Variants in ACTL8 observed in about 807,000 individuals in gnomAD.
ACTL8 encodes actin-like protein 8.
Under a neutral mutation model 9.3 loss-of-function variants are expected in ACTL8, and 3 were observed. The ratio of observed to expected loss-of-function variants is 0.32; its 90% CI spans 0.15 to 0.83. The LOEUF is 0.83. Ranked by LOEUF, ACTL8 falls within the 40% of genes least tolerant of loss-of-function variation. The pLI is 0.57. For missense variants in ACTL8, 381 were observed against 492.2 expected, an observed-to-expected ratio of 0.77 and a Z score of 2.14; for synonymous variants, 224 against 205.9, an observed-to-expected ratio of 1.09 and a Z score of -0.75.
chr1:17,769,208 T>A (rs115527747), intron 1 of ACTL8, among the ~76,000 whole-genome samples: 2,770 of 152,232 alleles, frequency 0.018, 44 homozygotes, highest in African/African-American at 0.024. Flanking sequence ...CCTTGATTCT[T>A]TTCCTTCAGC....
chr1:17,762,266 C>T (rs532612579), intron 1 of ACTL8, among the ~76,000 whole-genome samples: 5 of 152,032 alleles, frequency 3.3e-5, no homozygotes, highest in South Asian at 4.2e-4. Flanking sequence ...ACTCTGAGGT[C>T]GTGCAGCAAA....
chr1:17,798,428 A>G (rs981242984), intron 1 of ACTL8, among the ~76,000 whole-genome samples: 1 of 152,166 alleles, frequency 6.6e-6, no homozygotes, highest in Non-Finnish European at 1.5e-5. Context: ...AGGTGATGGC[A>G]GAGGTGCTGG....
At position 17,823,415 on chromosome 1, in the gene ACTL8, TG is replaced by T; in HGVS notation, c.348+61del. 6.8e-7 allele frequency: 1 copy of T among 1,465,266 alleles called. No individual in the cohort carries two copies. Among genetic ancestry groups the T allele is most frequent in the Non-Finnish European group, 9.2e-7 (1 of 1,084,268 alleles). The allele number at this position is 1,465,266 out of a possible 1,614,324, so 90.8% of individuals were successfully genotyped here. On this transcript the variant is annotated intron_variant, in intron 2 of 2. Transcript: ENST00000375406. The surrounding 1 kb of genome is among the most constrained non-coding windows in gnomAD (Gnocchi z 5.3). ...GCGGGAAACAGACTGACACTATGTC[TG>T]GACTGATTGGGCACCAGGAATTCTG...
intron 1 of ACTL8, among the ~76,000 whole-genome samples, chr1:17,775,015 G>T (rs1258357266): frequency 1.3e-5 from 2 of 152,294 alleles, no homozygotes; most frequent in Non-Finnish European, 1.5e-5. Context: ...AGGCCTGGAG[G>T]TTCCTGGGAG....
intron 1 of ACTL8, among the ~76,000 whole-genome samples, chr1:17,807,558 G>A (rs1015937404): frequency 4.6e-5 from 7 of 152,040 alleles, no homozygotes; most frequent in African/African-American, 1.2e-4. Flanking sequence ...TGTTTATTGC[G>A]GTACTATTCA....
intron 1 of ACTL8, among the ~76,000 whole-genome samples, chr1:17,776,888 C>A (rs2066121760): frequency 6.6e-6 from 1 of 151,470 alleles, no homozygotes; most frequent in Non-Finnish European, 1.5e-5. Context: ...CAGCCTCGAC[C>A]TCCTGGGCTC....
At chr1:17,780,053 C>G (rs940577835) in intron 1 of ACTL8, among the ~76,000 whole-genome samples, 2 of 151,840 alleles carry the variant, frequency 1.3e-5, no homozygotes, top group African/African-American at 2.4e-5. Flanking sequence ...CAAAAAATAA[C>G]CAAATTAACT....
intron 1 of ACTL8, among the ~76,000 whole-genome samples, chr1:17,820,682 C>T (rs1043855903): frequency 3.3e-5 from 5 of 151,896 alleles, no homozygotes; most frequent in Non-Finnish European, 5.9e-5. Flanking sequence ...AATCTCCTCC[C>T]TCAGCCCCCC....
intron 1 of ACTL8, among the ~76,000 whole-genome samples, chr1:17,802,296 G>T (rs4920644): frequency 0.1 from 15,293 of 152,142 alleles, 879 homozygotes; most frequent in Admixed American, 0.16. Context: ...TTGTTTCTAT[G>T]AAGTTGAGCC....
chr1:17,775,850 A>G (rs529630656), intron 1 of ACTL8, among the ~76,000 whole-genome samples: 181 of 152,322 alleles, frequency 1.2e-3, no homozygotes, highest in Admixed American at 2.6e-3. Context: ...TAGAGTAGAC[A>G]GACCAAGGCT....
At chr1:17,785,224 A>G (rs1048880800) in intron 1 of ACTL8, among the ~76,000 whole-genome samples, 30 of 152,188 alleles carry the variant, frequency 2.0e-4, no homozygotes, top group African/African-American at 6.8e-4. Flanking sequence ...TACTAGTTGT[A>G]TGACCTTTAA....
chr1:17,762,762 C>A (rs2102673850), intron 1 of ACTL8, among the ~76,000 whole-genome samples: 1 of 152,146 alleles, frequency 6.6e-6, no homozygotes, highest in Non-Finnish European at 1.5e-5. Context: ...TCCTTGGTGC[C>A]CCCCGCCCCC....
intron 1 of ACTL8, among the ~76,000 whole-genome samples, chr1:17,787,329 A>G (rs537548882): frequency 1.3e-5 from 2 of 152,106 alleles, no homozygotes; most frequent in African/African-American, 4.8e-5. Context: ...CAGTGGAGTT[A>G]TCTTGGTTCA....
intron 1 of ACTL8, among the ~76,000 whole-genome samples, chr1:17,807,469 C>T (rs1241638745): frequency 6.6e-6 from 1 of 152,112 alleles, no homozygotes; most frequent in Non-Finnish European, 1.5e-5. Context: ...GTACTGATCT[C>T]CTAGAGTTGT....
intron 1 of ACTL8, among the ~76,000 whole-genome samples, chr1:17,788,536 C>T (rs1050217967): frequency 3.9e-5 from 6 of 152,232 alleles, no homozygotes; most frequent in South Asian, 2.1e-4. Flanking sequence ...CCCTTTACCC[C>T]GTACAAATAT....
intron 1 of ACTL8, among the ~76,000 whole-genome samples, chr1:17,776,969 ATTTTTTTTTTTT>A (rs765972298): frequency 5.0e-3 from 254 of 50,538 alleles, no homozygotes; most frequent in Middle Eastern, 0.018. Flanking sequence ...CTGGCTAATG[ATTTTTTTTTTTT>A]TTTTTTTTTT....
intron 1 of ACTL8, among the ~76,000 whole-genome samples, chr1:17,758,432 G>C (rs1355229453): frequency 6.6e-6 from 1 of 152,192 alleles, no homozygotes; most frequent in Non-Finnish European, 1.5e-5. Context: ...CCAAAACCTG[G>C]CAATTGATAG....
chr1:17,779,657 T>C (rs1437110817), intron 1 of ACTL8, among the ~76,000 whole-genome samples: 1 of 152,030 alleles, frequency 6.6e-6, no homozygotes, highest in Non-Finnish European at 1.5e-5. Flanking sequence ...AGATCCAGGG[T>C]TGCTTTCATC....
chr1:17,773,650 T>C (rs915853181), intron 1 of ACTL8, among the ~76,000 whole-genome samples: 2 of 152,186 alleles, frequency 1.3e-5, no homozygotes, highest in African/African-American at 4.8e-5. Flanking sequence ...GAGGCGGGGC[T>C]GCAAGGCTCA....
Sources: gnomAD v4.1 joint callset for allele counts (sites outside exome capture counted in the v4.1 genomes callset) on GRCh38, gnomAD v4.1.1 for gene constraint, Gnocchi (gnomAD v3.1) non-coding constraint, MANE v1.5 for transcripts, NCBI Gene and HGNC (gene_info 2026-07-23, HGNC 2026-07-21) for gene names.